Variants in SPEG observed in about 807,000 individuals in gnomAD.
The protein encoded by SPEG is striated muscle preferentially expressed protein kinase.
SPEG carries 114 observed loss-of-function variants against 300.4 expected under a neutral mutation model. The observed-to-expected ratio is 0.38, with a 90% confidence interval of 0.33 to 0.44. SPEG has a LOEUF of 0.44. SPEG is among the 20% of genes least tolerant of loss of function. The pLI is 1.00. For missense variants in SPEG, 4,201 were observed against 4,586.2 expected, an observed-to-expected ratio of 0.92 and a Z score of 2.43; for synonymous variants, 1,964 against 2,018.9, an observed-to-expected ratio of 0.97 and a Z score of 0.73.
chr2:219,461,826 T>C, intron 6 of SPEG, 56 bp from the exon 7 acceptor site: 1 of 1,547,692 alleles, frequency 6.5e-7, no homozygotes, highest in East Asian at 2.3e-5. Flanking sequence ...TCCAGCCAGC[T>C]CTCCCAGGCT....
intron 3 of SPEG, among the ~76,000 whole-genome samples, chr2:219,447,162 G>A (rs1281598491): frequency 6.6e-6 from 1 of 151,754 alleles, no homozygotes; most frequent in Non-Finnish European, 1.5e-5. Context: ...TCCCTATTCA[G>A]GCCCACTTAG....
chr2:219,479,333 G>A lies in SPEG; in HGVS notation c.5085+132G>A, dbSNP rs1334175835. 1.4e-6 allele frequency: 1 copy of A among 710,604 alleles called. No homozygotes were observed. Among genetic ancestry groups the A allele is most frequent in the African/African-American group, 1.7e-5 (1 of 57,472 alleles). 44.0% of individuals were successfully genotyped at this position (710,604 alleles called of 1,614,324 possible). ...GCCAGGGGTGGAGGTGGAGAGCACT[G>A]TTAGGTAGGCAGCAGAGTCCCCACC... On this transcript the variant is annotated intron_variant, in intron 23 of 40. Transcript: ENST00000312358. The surrounding 1 kb of genome is among the most constrained non-coding windows in gnomAD (Gnocchi z 5.5).
Position 219,448,205 on chromosome 2 carries a change from C to G in SPEG, c.1047C>G (p.Thr349=). 1 of 1,612,530 alleles carries G rather than the reference C, an allele frequency of 6.2e-7. No individual in the cohort carries two copies. ...TQEPVLPEDT[T]TEEKRGKKSK... is the part of the protein sequence containing the mutation. The stretch of plus-strand genomic sequence containing the variant: ...AGCCTGTGCTGCCCGAGGACACCAC[C>G]ACCGAAGAGAAGCGAGGGAAGAAGT... The change falls in exon 4 of 41, where the codon ACC becomes ACG. Residue 349 remains threonine, a synonymous_variant. Coordinates refer to ENST00000312358, the MANE Select transcript of SPEG (RefSeq NM_005876.5).
chr2:219,472,848 T>C (rs1692005786), intron 15 of SPEG, 42 bp from the exon 16 acceptor site: 1 of 1,520,738 alleles, frequency 6.6e-7, no homozygotes, highest in Admixed American at 1.9e-5. Context: ...GAGGGGTTAC[T>C]GCTCCTGCAA....
Position 219,489,231 on chromosome 2 carries a change from A to ATGGT in SPEG, c.8317+11_8317+14dup. 1 of 1,613,722 alleles carries ATGGT rather than the reference A, an allele frequency of 6.2e-7. No homozygotes were observed. The highest frequency in any genetic ancestry group is 1.1e-5 in the South Asian group (1 of 91,078). ...GTCAGGGGTACTCAAGGTCAGTGCA[A>ATGGT]TGGTATGGGGTGGGAGGAGGAAGGG... On this transcript the variant is annotated intron_variant, in intron 35 of 40. Coordinates refer to ENST00000312358, the MANE Select transcript of SPEG (RefSeq NM_005876.5).
Position 219,473,616 on chromosome 2 carries a change from C to A in SPEG, c.4260C>A (p.Val1420=). ...TVTFNHVEAQ[V]VWRSCRGALL... ...CATTCAACCATGTGGAGGCCCAGGTCGTCTGGAGGAGGTGGGCCCCTTTCC... is the reference window on the plus strand; with the variant it reads ...CATTCAACCATGTGGAGGCCCAGGTAGTCTGGAGGAGGTGGGCCCCTTTCC... Residue 1420 remains valine, a synonymous_variant, in exon 17 of 41, where the codon GTC becomes GTA. Transcript: ENST00000312358. This position sits in a 1 kb window ranked among gnomAD's most constrained non-coding sequence, Gnocchi z 4.6. 1 of 1,614,144 alleles carries A rather than the reference C, an allele frequency of 6.2e-7. No homozygotes were observed. The highest frequency in any genetic ancestry group is 1.1e-5 in the South Asian group (1 of 91,060).
chr2:219,482,700 C>T, intron 28 of SPEG, 84 bp from the exon 29 acceptor site: 1 of 1,233,128 alleles, frequency 8.1e-7, no homozygotes. Context: ...GCCACCCCGC[C>T]CCATGGACTT....
rs1254905973 is a variant in SPEG at position 219,444,956 on chromosome 2, G to A, written c.610G>A (p.Gly204Ser). Reference sequence around the variant, plus strand: ...GGAGCAGGAAGCGGGCAGTGGGGGTGGCACCCGCCGCCTCCCGGGCAGCCC... The same window carrying A: ...GGAGCAGGAAGCGGGCAGTGGGGGTAGCACCCGCCGCCTCCCGGGCAGCCC... ...VLEQEAGSGG[G>S]TRRLPGSPRQ... The change falls in exon 3 of 41, where the codon GGC (glycine) becomes AGC (serine). Residue 204 changes from glycine to serine, a missense_variant. Around this residue, in one of 4 missense-constraint regions of SPEG, gnomAD observed 1,258 missense variants for 1,293.9 expected, o/e 0.97. Transcript: ENST00000312358. The surrounding 1 kb of genome is among the most constrained non-coding windows in gnomAD (Gnocchi z 7.8). The A allele has an allele frequency of 3.8e-6, 6 of 1,597,800 alleles. No individual in the cohort carries two copies. The highest frequency in any genetic ancestry group is 1.7e-5 in the Admixed American group (1 of 59,134).
At chr2:219,442,068 G>A in intron 1 of SPEG, 1 of 1,194,174 alleles carries the variant, frequency 8.4e-7, no homozygotes, top group Non-Finnish European at 1.0e-6. Flanking sequence ...AGCTGTGGGT[G>A]AAGAAGCGTT....
intron 6 of SPEG, among the ~76,000 whole-genome samples, chr2:219,456,250 A>G (rs1180705738): frequency 6.6e-6 from 1 of 152,258 alleles, no homozygotes; most frequent in African/African-American, 2.4e-5. Flanking sequence ...AAACCTTAGC[A>G]TCCATGTCAG....
chr2:219,480,012 GA>G lies in SPEG; in HGVS notation c.5215del (p.Ile1739SerfsTer10). 1 of 1,614,146 alleles carries G rather than the reference GA, an allele frequency of 6.2e-7. No individual in the cohort carries two copies. Among genetic ancestry groups the G allele is most frequent in the Non-Finnish European group, 8.5e-7 (1 of 1,180,034 alleles). ...DGAAGEQQVRICDFGNAQELT... is the reference protein window; with the variant it reads ...DGAAGEQQVRXCDFGNAQELT... ...GTGCTGCGGGCGAGCAGCAGGTGCG[GA>G]TCTGTGACTTTGGGAATGCCCAGGA... On this transcript the variant is annotated frameshift_variant, in exon 25 of 41. Transcript: ENST00000312358. LOFTEE classifies it high-confidence loss of function. This position sits in a 1 kb window ranked among gnomAD's most constrained non-coding sequence, Gnocchi z 5.3.
intron 9 of SPEG, 162 bp from the exon 10 acceptor site, chr2:219,467,012 C>T: frequency 9.3e-7 from 1 of 1,073,946 alleles, no homozygotes; most frequent in Non-Finnish European, 1.3e-6. Context: ...TCTGGGCATG[C>T]CTTGCTGTCC....
At chr2:219,469,697 G>C (rs1691702054) in intron 13 of SPEG, among the ~76,000 whole-genome samples, 1 of 152,192 alleles carries the variant, frequency 6.6e-6, no homozygotes, top group Non-Finnish European at 1.5e-5. Flanking sequence ...CTGTAATTGG[G>C]TTGTTACGAG....
chr2:219,481,538 G>A lies in SPEG; in HGVS notation c.5522+82G>A, dbSNP rs576870936. The A allele has an allele frequency of 1.1e-4, 182 of 1,604,782 alleles. No homozygotes were observed. The highest frequency in any genetic ancestry group is 8.4e-4 in the African/African-American group (63 of 74,814). On this transcript the variant is annotated intron_variant, in intron 27 of 40. Transcript: ENST00000312358. The surrounding 1 kb of genome is among the most constrained non-coding windows in gnomAD (Gnocchi z 5.4). ...TGCTACTCCCAAACTCCTGCCCCTC[G>A]ACATGCAAGCCCCCAACTCCTTAGG...
Position 219,483,831 on chromosome 2 carries a change from G to C in SPEG, c.6368G>C (p.Arg2123Pro), listed in dbSNP as rs781111613. ...CACCACCAGCCCCCACTCGAGAACC[G>C]GGGCCTGCAAAAGAGCAGCAGCTTC... The part of the protein sequence containing the change: ...APHHQPPLEN[R>P]GLQKSSSFSQ... The change falls in exon 30 of 41, where the codon CGG (arginine) becomes CCG (proline). Residue 2123 changes from arginine (R) to proline (P), a missense_variant. Transcript: ENST00000312358. 6.3e-6 allele frequency: 10 copies of C among 1,584,298 alleles called. No homozygotes were observed. In the South Asian group the frequency reaches 6.7e-5, roughly 11 times the overall value.
rs1433033053 is a variant in SPEG, at chr2:219,488,885, G to C, written c.8134G>C (p.Glu2712Gln). 6.3e-7 allele frequency: 1 copy of C among 1,584,628 alleles called. No individual in the cohort carries two copies. The highest frequency in any genetic ancestry group is 1.3e-5 in the African/African-American group (1 of 74,480). Residue 2712 changes from glutamate (E) to glutamine (Q), a missense_variant, in exon 34 of 41, where the codon GAG (glutamate) becomes CAG (glutamine). Transcript: ENST00000312358. ...CCGGGCACCTTGCACGTATACGCTG[G>C]AGCGGCGAGTGGATGGTGAGGATGG... ...DSRAPCTYTLERRVDGESVWH... is the reference protein window; with the variant it reads ...DSRAPCTYTLQRRVDGESVWH...
chr2:219,462,170 T>C (rs1050473763), intron 7 of SPEG, 113 bp downstream of exon 7: 4 of 1,193,370 alleles, frequency 3.4e-6, no homozygotes, highest in African/African-American at 1.5e-5. Flanking sequence ...TTTGCTCCCA[T>C]TCAAACCCTC....
chr2:219,463,586 T>C (rs1196659884), intron 8 of SPEG, among the ~76,000 whole-genome samples: 2 of 151,610 alleles, frequency 1.3e-5, no homozygotes, highest in Non-Finnish European at 1.5e-5. Context: ...GCTAATTTTG[T>C]ATTTTTTGTA....
Position 219,451,056 on chromosome 2 carries a change from C to T in SPEG, c.2114-80C>T. On this transcript the variant is annotated intron_variant, in intron 4 of 40. Coordinates refer to ENST00000312358, the MANE Select transcript of SPEG (RefSeq NM_005876.5). This position sits in a 1 kb window ranked among gnomAD's most constrained non-coding sequence, Gnocchi z 6.4. Reference sequence around the variant, plus strand: ...TGTCTGGGTTTGGCTTTCTAGGATGCAGGCCACCAGGACTCTCTCTCCCGC... The same window carrying T: ...TGTCTGGGTTTGGCTTTCTAGGATGTAGGCCACCAGGACTCTCTCTCCCGC... 2 of 1,408,696 alleles carry T rather than the reference C, an allele frequency of 1.4e-6. No individual in the cohort carries two copies. Among genetic ancestry groups the T allele is most frequent in the Non-Finnish European group, 1.9e-6 (2 of 1,066,252 alleles). 87.3% of individuals were successfully genotyped at this position (1,408,696 alleles called of 1,614,324 possible).
Sources: gnomAD v4.1 joint callset for allele counts (sites outside exome capture counted in the v4.1 genomes callset) on GRCh38, gnomAD v4.1.1 for gene constraint, gnomAD v4.1.1 regional missense constraint, Gnocchi (gnomAD v3.1) non-coding constraint, MANE v1.5 for transcripts, NCBI Gene and HGNC (gene_info 2026-07-23, HGNC 2026-07-21) for gene names.